Variants in WDR27 observed in about 807,000 individuals in gnomAD.
WDR27 encodes the protein WD repeat-containing protein 27.
In WDR27, 100 loss-of-function variants were observed where a neutral mutation model predicts 114.4. That is an observed-to-expected ratio of 0.87 (90% CI 0.74 to 1.03). The LOEUF is 1.03. Ranked by LOEUF, WDR27 falls within the 50% of genes least tolerant of loss-of-function variation. The pLI, the probability that WDR27 is intolerant of heterozygous loss-of-function variation, is 0.00. For synonymous variants in WDR27, 449 were observed against 423.1 expected (o/e 1.06, Z -0.75); for missense variants, 1,129 against 1,092.9 (o/e 1.03, Z -0.47).
At chr6:169,608,248 G>A (rs1033721066) in intron 22 of WDR27, among the ~76,000 whole-genome samples, 7 of 152,112 alleles carry the variant, frequency 4.6e-5, no homozygotes, top group Admixed American at 1.3e-4. Flanking sequence ...AGGAAAATAA[G>A]TCATTATATC....
At chr6:169,695,333 C>T (rs1473325246) in intron 1 of WDR27, among the ~76,000 whole-genome samples, 1 of 152,124 alleles carries the variant, frequency 6.6e-6, no homozygotes, top group Non-Finnish European at 1.5e-5. Flanking sequence ...CAACAAGAGA[C>T]CCCACTTACT....
intron 25 of WDR27, among the ~76,000 whole-genome samples, chr6:169,487,440 G>A (rs1458560591): frequency 2.6e-5 from 4 of 152,110 alleles, no homozygotes; most frequent in African/African-American, 7.2e-5. Context: ...CAGAAGGTGC[G>A]TGCTCACCCT....
At chr6:169,488,170 C>A (rs1789205100) in intron 25 of WDR27, among the ~76,000 whole-genome samples, 1 of 152,210 alleles carries the variant, frequency 6.6e-6, no homozygotes, top group Non-Finnish European at 1.5e-5. Context: ...ACAGCATTTA[C>A]TTGATGGGCC....
intron 23 of WDR27, among the ~76,000 whole-genome samples, chr6:169,592,529 A>T (rs959404617): frequency 1.1e-4 from 17 of 152,192 alleles, no homozygotes; most frequent in African/African-American, 4.1e-4. Context: ...AATTCCATAT[A>T]TTAGTTTAAA....
chr6:169,667,918 C>A, intron 5 of WDR27, 64 bp downstream of exon 5: 1 of 1,478,038 alleles, frequency 6.8e-7, no homozygotes, highest in Non-Finnish European at 9.1e-7. Context: ...GCACAGCTCC[C>A]GTCACCACAG....
chr6:169,585,062 G>A (rs1406485861), intron 23 of WDR27, among the ~76,000 whole-genome samples: 2 of 152,154 alleles, frequency 1.3e-5, no homozygotes, highest in Non-Finnish European at 2.9e-5. Flanking sequence ...AATGAGGAAA[G>A]GATAATCTCT....
chr6:169,676,057 A>G (rs1006095165), intron 2 of WDR27, among the ~76,000 whole-genome samples: 4 of 152,238 alleles, frequency 2.6e-5, no homozygotes, highest in Non-Finnish European at 5.9e-5. Flanking sequence ...ATACGGGGTC[A>G]AATAAAACCC....
intron 25 of WDR27, among the ~76,000 whole-genome samples, chr6:169,533,644 C>T (rs1584031415): frequency 6.6e-6 from 1 of 152,306 alleles, no homozygotes; most frequent in South Asian, 2.1e-4. Flanking sequence ...AATGGAGCTG[C>T]AAACACAGGC....
At chr6:169,641,707 C>A (rs1371722164) in intron 17 of WDR27, among the ~76,000 whole-genome samples, 1 of 152,202 alleles carries the variant, frequency 6.6e-6, no homozygotes, top group Non-Finnish European at 1.5e-5. Context: ...GAGAGATGCG[C>A]ATCTTCACTT....
intron 13 of WDR27, among the ~76,000 whole-genome samples, chr6:169,653,725 G>A (rs889092883): frequency 3.3e-5 from 5 of 152,176 alleles, no homozygotes; most frequent in African/African-American, 1.2e-4. Context: ...TTTGTAAAAA[G>A]GGAAAAGAAA....
intron 1 of WDR27, among the ~76,000 whole-genome samples, chr6:169,695,854 T>C (rs2128312257): frequency 6.6e-6 from 1 of 152,300 alleles, no homozygotes; most frequent in East Asian, 1.9e-4. Context: ...GTTGGGATGA[T>C]GATGCACTGT....
intron 21 of WDR27, among the ~76,000 whole-genome samples, chr6:169,620,543 AC>A (rs1812865163): frequency 6.6e-6 from 1 of 152,164 alleles, no homozygotes; most frequent in African/African-American, 2.4e-5. Flanking sequence ...AAAGAATGTA[AC>A]CTTTTGCCTC....
Position 169,660,551 on chromosome 6 carries a change from T to C in WDR27, c.1129+112A>G, listed in dbSNP as rs187380647. On this transcript the variant is annotated intron_variant, in intron 10 of 25. Transcript: ENST00000448612. ...TCAATGCTGAGTTGTGACTGAAGCATCTCATCCTCAGATTCACACGGCAAG... is the reference window on the plus strand; with the variant it reads ...TCAATGCTGAGTTGTGACTGAAGCACCTCATCCTCAGATTCACACGGCAAG... 1.3e-4 allele frequency: 109 copies of C among 855,088 alleles called. No homozygotes were observed. The African/African-American group carries it at 1.7e-3, about 13-fold the overall frequency. The allele number at this position is 855,088 out of a possible 1,614,324, so 53.0% of individuals were successfully genotyped here. A position where few individuals can be genotyped will look rare whatever the true frequency, so the allele number is the denominator to read the frequency against.
downstream of WDR27, among the ~76,000 whole-genome samples, chr6:169,457,017 A>G (rs1784379267): frequency 6.6e-6 from 1 of 151,600 alleles, no homozygotes; most frequent in Non-Finnish European, 1.5e-5. Flanking sequence ...AGGCCTCACC[A>G]TGCAGAACCC....
At chr6:169,479,306 T>C (rs913715695) in intron 25 of WDR27, among the ~76,000 whole-genome samples, 5 of 152,064 alleles carry the variant, frequency 3.3e-5, no homozygotes, top group African/African-American at 1.2e-4. Context: ...TCAGAAATCA[T>C]CAGGGAAATG....
chr6:169,519,961 G>A (rs1160757962), intron 25 of WDR27, among the ~76,000 whole-genome samples: 3 of 152,010 alleles, frequency 2.0e-5, no homozygotes, highest in African/African-American at 7.2e-5. Flanking sequence ...TGAGGTGGAC[G>A]ACCAGCTTCC....
In WDR27 at chr6:169,702,005, C is replaced by T. The variant is rs1788221351; in HGVS notation, c.-462G>A. ...GCTCGCCGCTATGGTTACTTGCCAG[C>T]CGACCCACGCGAGCCGCTATGGTTA... On this transcript the variant is annotated 5_prime_UTR_variant, in exon 1 of 26. Transcript: ENST00000448612. 9.4e-5 allele frequency: 40 copies of T among 423,396 alleles called. No homozygotes were observed. The highest frequency in any genetic ancestry group is 6.3e-4 in the South Asian group (37 of 58,596). 26.2% of individuals were successfully genotyped at this position (423,396 alleles called of 1,614,324 possible). A position where few individuals can be genotyped will look rare whatever the true frequency, so the allele number is the denominator to read the frequency against.
chr6:169,672,972 T>C (rs1779139071), intron 2 of WDR27, among the ~76,000 whole-genome samples: 1 of 152,170 alleles, frequency 6.6e-6, no homozygotes, highest in South Asian at 2.1e-4. Flanking sequence ...GCTACAAGTA[T>C]GGAGCAGACG....
Position 169,485,950 on chromosome 6 carries a change from A to G in WDR27, c.2646-28316T>C, listed in dbSNP as rs1788822897. On this transcript the variant is annotated intron_variant, in intron 25 of 25. Transcript: ENST00000448612. ...GCACGTTTTCACAAGTGGGAGCCAG[A>G]TGAACACATGGACACATGGAGGGAA... Among the ~76,000 whole-genome samples the G allele has an allele frequency of 2.0e-5, 3 of 152,148 alleles. No individual in the cohort carries two copies. In the South Asian group the frequency reaches 6.2e-4, roughly 32 times the overall value.
Sources: allele counts gnomAD v4.1 joint callset (sites outside exome capture counted in the v4.1 genomes callset), GRCh38; gene constraint gnomAD v4.1.1; transcripts MANE v1.5; gene names NCBI Gene and HGNC (gene_info 2026-07-23, HGNC 2026-07-21).